Variants in AKAP13 observed in about 807,000 individuals in gnomAD.
The protein encoded by AKAP13 is A-kinase anchor protein 13.
In AKAP13, 80 loss-of-function variants were observed where a neutral mutation model predicts 264.5. The observed-to-expected ratio is 0.30, with a 90% CI of 0.25 to 0.36. The LOEUF (loss-of-function observed/expected upper bound fraction) is 0.36. Ranked by LOEUF, AKAP13 falls within the 10% of genes least tolerant of loss-of-function variation. AKAP13 has a pLI of 1.00. For missense variants in AKAP13, 3,712 were observed against 3,435.2 expected (o/e 1.08, Z -2.01); for synonymous variants, 1,380 against 1,250.2 (o/e 1.10, Z -2.19).
rs565746610 is a variant in AKAP13, at chr15:85,442,222, C to T, written c.-11-43488C>T. On this transcript the variant is annotated intron_variant, in intron 1 of 36. Coordinates refer to ENST00000394518, the MANE Select transcript of AKAP13 (RefSeq NM_007200.5). ...GTCAGGAGTTCGAGACCAGCCTGGC[C>T]AGCATGGTGAAACCCCGTCTCTACT... 3.1e-3 allele frequency among the ~76,000 whole-genome samples: 464 copies of T among 150,594 alleles called. 1 individual carries two copies. Among genetic ancestry groups the T allele is most frequent in the African/African-American group, 0.01 (429 of 40,916 alleles).
intron 8 of AKAP13, among the ~76,000 whole-genome samples, chr15:85,633,525 C>CTTTTTTT (rs1169985569): frequency 8.2e-6 from 1 of 122,220 alleles, no homozygotes; most frequent in Non-Finnish European, 1.7e-5. Flanking sequence ...CTCTGAATGA[C>CTTTTTTT]TTTTTTTTTC....
chr15:85,527,167 G>A (rs899742032), intron 3 of AKAP13, among the ~76,000 whole-genome samples: 9 of 152,146 alleles, frequency 5.9e-5, no homozygotes, highest in African/African-American at 2.2e-4. Context: ...GTTTCACCGT[G>A]TTAGCCAGGA....
intron 16 of AKAP13, among the ~76,000 whole-genome samples, chr15:85,686,206 TGG>T: frequency 6.6e-6 from 1 of 151,578 alleles, no homozygotes; most frequent in East Asian, 1.9e-4. Context: ...TGTGTGTGTG[TGG>T]TATATACATG....
rs150072968 is a variant in AKAP13 at position 85,669,307 on chromosome 15, A to G, written c.4993-415A>G. Among the ~76,000 whole-genome samples, 1,022 of 152,338 alleles carry G rather than the reference A, an allele frequency of 6.7e-3. 3 individuals carry two copies. Among genetic ancestry groups the G allele is most frequent in the Non-Finnish European group, 0.012 (800 of 68,036 alleles). On this transcript the variant is annotated intron_variant, in intron 13 of 36. Transcript: ENST00000394518. ...GATATTCTACTATATCTGTATGAAG[A>G]AATATTTAGATTTTCAAAGAACAAG... is the stretch of plus-strand genomic sequence containing the variant.
intron 17 of AKAP13, among the ~76,000 whole-genome samples, chr15:85,695,599 A>G (rs370033616): frequency 6.6e-6 from 1 of 152,180 alleles, no homozygotes; most frequent in East Asian, 1.9e-4. Flanking sequence ...AATGATTTTT[A>G]TTGGATGTTA....
At chr15:85,709,299 GT>G (rs914225607) in intron 18 of AKAP13, among the ~76,000 whole-genome samples, 1 of 152,002 alleles carries the variant, frequency 6.6e-6, no homozygotes, top group South Asian at 2.1e-4. Context: ...TTATTATATA[GT>G]TTTTTATAGT....
intron 16 of AKAP13, among the ~76,000 whole-genome samples, chr15:85,691,618 G>A (rs763367249): frequency 1.3e-4 from 20 of 152,092 alleles, no homozygotes; most frequent in Admixed American, 2.0e-4. Flanking sequence ...AGGTGACATG[G>A]CCAACTTAAT....
chr15:85,424,023 C>T (rs890531989), intron 1 of AKAP13, among the ~76,000 whole-genome samples: 2 of 152,146 alleles, frequency 1.3e-5, no homozygotes, highest in Non-Finnish European at 2.9e-5. Context: ...GATGTTCTGT[C>T]CAGGCTTTGT....
chr15:85,563,344 T>TG (rs1567127298), intron 5 of AKAP13, among the ~76,000 whole-genome samples: 1 of 139,048 alleles, frequency 7.2e-6, no homozygotes, highest in East Asian at 2.1e-4. Flanking sequence ...TTTTTTTTTT[T>TG]TTTTTTTTTT....
Position 85,579,994 on chromosome 15 carries a change from T to A in AKAP13, c.1926T>A (p.Ala642=), listed in dbSNP as rs1256312739. The A allele has an allele frequency of 1.9e-6, 3 of 1,614,090 alleles. No homozygotes were observed. Among genetic ancestry groups the A allele is most frequent in the Non-Finnish European group, 2.5e-6 (3 of 1,180,032 alleles). The change falls in exon 7 of 37, where the codon GCT becomes GCA. Residue 642 remains alanine, a synonymous_variant. Transcript: ENST00000394518. ...HQNSETNSSH[A]QSQKGKSSPI... Reference sequence around the variant, plus strand: ...ACTCAGAAACAAATTCATCTCATGCTCAAAGCCAAAAGGGCAAATCCTCAC... The same window carrying A: ...ACTCAGAAACAAATTCATCTCATGCACAAAGCCAAAAGGGCAAATCCTCAC...
At chr15:85,491,068 G>A (rs2075707686) in intron 2 of AKAP13, among the ~76,000 whole-genome samples, 1 of 152,172 alleles carries the variant, frequency 6.6e-6, no homozygotes, top group Non-Finnish European at 1.5e-5. Context: ...GAACAGAACA[G>A]TGGCTGGGGC....
intron 1 of AKAP13, among the ~76,000 whole-genome samples, chr15:85,428,493 C>G (rs1294647184): frequency 6.6e-6 from 1 of 152,242 alleles, no homozygotes; most frequent in African/African-American, 2.4e-5. Flanking sequence ...GCCACCTCGC[C>G]TGGCCTTACC....
chr15:85,444,002 AG>A (rs944778447), intron 1 of AKAP13, among the ~76,000 whole-genome samples: 1 of 152,152 alleles, frequency 6.6e-6, no homozygotes, highest in African/African-American at 2.4e-5. Context: ...ACAGGAATTC[AG>A]GGCCTTTCCC....
At chr15:85,619,551 T>G in intron 8 of AKAP13, 1 of 985,408 alleles carries the variant, frequency 1.0e-6, no homozygotes, top group Non-Finnish European at 1.2e-6. Context: ...TTGTCTTTGT[T>G]TTTGTTTTAA....
chr15:85,636,950 G>A lies in AKAP13; in HGVS notation c.4162-2424G>A, dbSNP rs530158977. Among the ~76,000 whole-genome samples, 7 of 152,316 alleles carry A rather than the reference G, an allele frequency of 4.6e-5. No individual in the cohort carries two copies. The South Asian group carries it at 6.2e-4, about 14-fold the overall frequency. ...TTCATCTAATGATGATCATTAGTTCGTGAGTTTTTTGGTCTTTTAATAAAC... is the reference window on the plus strand; with the variant it reads ...TTCATCTAATGATGATCATTAGTTCATGAGTTTTTTGGTCTTTTAATAAAC... On this transcript the variant is annotated intron_variant, in intron 8 of 36. Coordinates refer to ENST00000394518, the MANE Select transcript of AKAP13 (RefSeq NM_007200.5).
intron 31 of AKAP13, 114 bp downstream of exon 31, chr15:85,735,264 G>C (rs1597219793): frequency 1.4e-6 from 2 of 1,400,574 alleles, no homozygotes; most frequent in Admixed American, 2.4e-5. Flanking sequence ...AAATTTCTTA[G>C]TGAGATTTCA....
intron 1 of AKAP13, among the ~76,000 whole-genome samples, chr15:85,404,504 C>T (rs575934453): frequency 6.6e-6 from 1 of 152,136 alleles, no homozygotes; most frequent in East Asian, 1.9e-4. Flanking sequence ...GAGGCTAGAC[C>T]CTAGGGACAC....
intron 12 of AKAP13, among the ~76,000 whole-genome samples, chr15:85,661,272 G>C (rs185542028): frequency 6.6e-6 from 1 of 152,150 alleles, no homozygotes. Context: ...CAGATTTTCT[G>C]TCCTTGCTAC....
intron 1 of AKAP13, among the ~76,000 whole-genome samples, chr15:85,456,610 C>A (rs534286404): frequency 6.9e-6 from 1 of 144,814 alleles, no homozygotes; most frequent in Admixed American, 7.0e-5. Flanking sequence ...AGTGCAGTGG[C>A]GCAATCTTGG....
Sources: gnomAD v4.1 joint callset for allele counts (sites outside exome capture counted in the v4.1 genomes callset) on GRCh38, gnomAD v4.1.1 for gene constraint, MANE v1.5 for transcripts, NCBI Gene and HGNC (gene_info 2026-07-23, HGNC 2026-07-21) for gene names.